Variants in PLEKHN1 observed in about 807,000 individuals in gnomAD.
PLEKHN1 encodes the protein pleckstrin homology domain-containing family N member 1.
Under a neutral mutation model 72.8 loss-of-function variants are expected in PLEKHN1, and 68 were observed. The ratio of observed to expected loss-of-function variants is 0.93; its 90% CI spans 0.77 to 1.14. PLEKHN1 has a LOEUF of 1.14. Ranked by LOEUF, PLEKHN1 falls within the 50% of genes most tolerant of loss-of-function variation. The pLI, the probability that PLEKHN1 is intolerant of heterozygous loss-of-function variation, is 0.00. For synonymous variants in PLEKHN1, 454 were observed against 371.6 expected (o/e 1.22, Z -2.55); for missense variants, 1,015 against 840.5 (o/e 1.21, Z -2.57).
At position 973,256 on chromosome 1, in the gene PLEKHN1, G is replaced by T; in HGVS notation, c.1223G>T (p.Arg408Leu). ...RTELRRSGSS[R>L]SPGSKARAEG... ...GAGCTGAGACGCAGTGGCAGCAGCC[G>T]GTCACCCGGGAGCAAGGCCCGGGCA... Residue 408 changes from arginine (R) to leucine (L), a missense_variant, in exon 12 of 16, where the codon CGG becomes CTG. Transcript: ENST00000379410. The T allele has an allele frequency of 6.5e-7, 1 of 1,543,180 alleles. No individual in the cohort carries two copies. The highest frequency in any genetic ancestry group is 8.8e-7 in the Non-Finnish European group (1 of 1,141,370).
At position 971,247 on chromosome 1, in the gene PLEKHN1, G is replaced by C. The variant is rs1643312072; in HGVS notation, c.708+39G>C. 1.9e-6 allele frequency: 3 copies of C among 1,558,682 alleles called. 1 individual carries two copies. In the South Asian group the frequency reaches 3.5e-5, roughly 18 times the overall value. On this transcript the variant is annotated intron_variant, in intron 7 of 15. Coordinates refer to ENST00000379410, the MANE Select transcript of PLEKHN1 (RefSeq NM_032129.3). ...GCGTGGGGCTGTAGGGGGATGGGAGGGGTGCATGGTGGTGGGCAGGGCGGT... is the reference window on the plus strand; with the variant it reads ...GCGTGGGGCTGTAGGGGGATGGGAGCGGTGCATGGTGGTGGGCAGGGCGGT...
rs1456782914 is a variant in PLEKHN1, at chr1:975,829, TAAAC to T, written c.*1257_*1260del. On this transcript the variant is annotated 3_prime_UTR_variant, in exon 16 of 16. Transcript: ENST00000379410. ...GGGTGCGGTTGCATTTGATTTCAGA[TAAAC>T]AACAACTTCTTAGTAAAATGACCTC... The T allele has an allele frequency of 1.5e-5, 4 of 266,480 alleles. No individual in the cohort carries two copies. The highest frequency in any genetic ancestry group is 5.0e-5 in the Admixed American group (1 of 19,892). The allele number at this position is 266,480 out of a possible 1,614,324, so 16.5% of individuals were successfully genotyped here. A position where few individuals can be genotyped will look rare whatever the true frequency, so the allele number is the denominator to read the frequency against.
intron 8 of PLEKHN1, 116 bp from the exon 9 acceptor site, chr1:971,959 G>A (rs1264332216): frequency 3.9e-6 from 4 of 1,021,008 alleles, no homozygotes; most frequent in African/African-American, 1.6e-5. Context: ...GGTGGCCTCG[G>A]TGCCCAGCTC....
rs750020649 is a variant in PLEKHN1, at chr1:973,976, G to T, written c.1578G>T (p.Leu526=). ...ACTTGCTCTCCAAGAAGGGAGCCCT[G>T]CAGTCCAGAGCCGCTCAGAGACACC... is the stretch of plus-strand genomic sequence containing the variant. ...GPYLLSKKGA[L]QSRAAQRHRG... is the part of the protein sequence containing the mutation. The change falls in exon 14 of 16, where the codon CTG becomes CTT. Residue 526 remains leucine, a synonymous_variant. Coordinates refer to ENST00000379410, the MANE Select transcript of PLEKHN1 (RefSeq NM_032129.3). 1.9e-6 allele frequency: 3 copies of T among 1,608,836 alleles called. No homozygotes were observed. The South Asian group carries it at 3.3e-5, about 18-fold the overall frequency.
chr1:968,252 G>A (rs1643111895), intron 2 of PLEKHN1, among the ~76,000 whole-genome samples: 8 of 152,230 alleles, frequency 5.3e-5, no homozygotes, highest in Admixed American at 5.2e-4. Context: ...GCCTGCTCAG[G>A]GGCAGCTAAG....
In PLEKHN1 at chr1:970,781, C is replaced by A. The variant is rs771921242; in HGVS notation, c.484+23C>A. 6.2e-7 allele frequency: 1 copy of A among 1,612,748 alleles called. No homozygotes were observed. Among genetic ancestry groups the A allele is most frequent in the South Asian group, 1.1e-5 (1 of 91,074 alleles). ...CAGGTGTTTGGGATGCTTCCCGGGC[C>A]CCCAGAGGCACTCCTGACCCAGGAC... is the stretch of plus-strand genomic sequence containing the variant. On this transcript the variant is annotated intron_variant, in intron 5 of 15. Transcript: ENST00000379410. The surrounding 1 kb of genome is among the most constrained non-coding windows in gnomAD (Gnocchi z 4.2).
rs958916355 is a variant in PLEKHN1, at chr1:966,760, G to A, written c.140G>A (p.Gly47Glu). ...GLPGPEAARS[G>E]DAAANKLFHY... ...CCGGGCCCCGAGGCTGCTCGAAGCG[G>A]GGACGCCGCCGCCAACAAGCTCTTC... The change falls in exon 2 of 16, where the codon GGG becomes GAG. Residue 47 changes from glycine to glutamate, a missense_variant. Gly to Glu is a moderately conservative substitution (Grantham distance 98). Transcript: ENST00000379410. 6.4e-7 allele frequency: 1 copy of A among 1,573,804 alleles called. No individual in the cohort carries two copies. The highest frequency in any genetic ancestry group is 8.6e-7 in the Non-Finnish European group (1 of 1,160,738).
At chr1:974,407 C>T (rs754065750) in intron 15 of PLEKHN1, 35 bp from the exon 16 acceptor site, 1 of 1,612,032 alleles carries the variant, frequency 6.2e-7, no homozygotes, top group Non-Finnish European at 8.5e-7. Flanking sequence ...CCTGTTGCCT[C>T]CCACAGGCTG....
At chr1:969,762 T>C (rs1643203542) in intron 2 of PLEKHN1, among the ~76,000 whole-genome samples, 1 of 151,308 alleles carries the variant, frequency 6.6e-6, no homozygotes, top group Admixed American at 6.6e-5. Context: ...GTGTCTATTG[T>C]GTGTGTATGC....
chr1:966,695 T>C lies in PLEKHN1; in HGVS notation c.84-9T>C, dbSNP rs1423457146. The C allele has an allele frequency of 3.2e-6, 5 of 1,579,244 alleles. No homozygotes were observed. The highest frequency in any genetic ancestry group is 4.3e-6 in the Non-Finnish European group (5 of 1,162,450). Reference sequence around the variant, plus strand: ...GGCCAAGCCACGAGACCCCTTGCCTTGTCCCCAGAGAGGACAGCGCGCGGA... The same window carrying C: ...GGCCAAGCCACGAGACCCCTTGCCTCGTCCCCAGAGAGGACAGCGCGCGGA... On this transcript the variant is annotated splice_polypyrimidine_tract_variant and intron_variant, in intron 1 of 15. Coordinates refer to ENST00000379410, the MANE Select transcript of PLEKHN1 (RefSeq NM_032129.3).
intron 14 of PLEKHN1, 97 bp downstream of exon 14, chr1:974,148 A>G: frequency 1.3e-6 from 2 of 1,484,006 alleles, no homozygotes; most frequent in Non-Finnish European, 1.8e-6. Flanking sequence ...AGGGAGGGAA[A>G]CAGGAGGACG....
chr1:971,144 G>C lies in PLEKHN1; in HGVS notation c.644G>C (p.Gly215Ala), dbSNP rs990611263. 70 of 1,601,070 alleles carry C rather than the reference G, an allele frequency of 4.4e-5. No individual in the cohort carries two copies. Among genetic ancestry groups the C allele is most frequent in the Non-Finnish European group, 5.5e-5 (65 of 1,174,912 alleles). Residue 215 changes from glycine (G) to alanine (A), a missense_variant, in exon 7 of 16, where the codon GGG becomes GCG. Gly to Ala is a moderately conservative substitution (Grantham distance 60, BLOSUM62 0). Coordinates refer to ENST00000379410, the MANE Select transcript of PLEKHN1 (RefSeq NM_032129.3). The part of the protein sequence containing the change: ...RRLTRLRTAS[G>A]HEPGGSAVCA... ...CTAACCCGGCTGCGGACGGCGTCAG[G>C]GCACGAACCCGGCGGCAGTGCTGTC...
chr1:971,963 C>G (rs569026618), intron 8 of PLEKHN1, 112 bp from the exon 9 acceptor site: 282 of 1,069,806 alleles, frequency 2.6e-4, no homozygotes, highest in Middle Eastern at 1.3e-3. Context: ...GCCTCGGTGC[C>G]CAGCTCTCCA....
Position 970,689 on chromosome 1 carries a change from C to T in PLEKHN1, c.415C>T (p.Leu139=). 1 of 1,595,336 alleles carries T rather than the reference C, an allele frequency of 6.3e-7. No individual in the cohort carries two copies. Among genetic ancestry groups the T allele is most frequent in the Non-Finnish European group, 8.6e-7 (1 of 1,169,082 alleles). Residue 139 remains leucine, a synonymous_variant, in exon 5 of 16, where the codon CTG becomes TTG. Transcript: ENST00000379410. The surrounding 1 kb of genome is among the most constrained non-coding windows in gnomAD (Gnocchi z 4.2). ...CCTCCTACCCTGTGCCTGGCAGGGG[C>T]TGTTACCGCTGACGGAGCTGAGTGT... ...HGSEGLTFQG[L]LPLTELSVCP...
At chr1:973,689 G>C in intron 13 of PLEKHN1, 49 bp downstream of exon 13, 1 of 1,601,262 alleles carries the variant, frequency 6.2e-7, no homozygotes, top group Non-Finnish European at 8.5e-7. Context: ...CCTGCAGCCT[G>C]AGGCTGGGGA....
chr1:970,405 G>T lies in PLEKHN1; in HGVS notation c.312G>T (p.Leu104=). 1 of 1,613,210 alleles carries T rather than the reference G, an allele frequency of 6.2e-7. No individual in the cohort carries two copies. The highest frequency in any genetic ancestry group is 8.5e-7 in the Non-Finnish European group (1 of 1,179,962). The change falls in exon 3 of 16, where the codon CTG becomes CTT. Residue 104 remains leucine (L), a synonymous_variant. Coordinates refer to ENST00000379410, the MANE Select transcript of PLEKHN1 (RefSeq NM_032129.3). This position sits in a 1 kb window ranked among gnomAD's most constrained non-coding sequence, Gnocchi z 4.2. Reference sequence around the variant, plus strand: ...TTGTGCATTACGCCAAGGTCCAGCTGCGGTTCCAGCACAGCCAGGTGGGGG... The same window carrying T: ...TTGTGCATTACGCCAAGGTCCAGCTTCGGTTCCAGCACAGCCAGGTGGGGG... ...GKVVHYAKVQ[L]RFQHSQDVSD...
rs1643419813 is a variant in PLEKHN1, at chr1:973,013, G to A, written c.1152+3G>A. The A allele has an allele frequency of 6.3e-7, 1 of 1,596,244 alleles. No individual in the cohort carries two copies. Among genetic ancestry groups the A allele is most frequent in the Non-Finnish European group, 8.5e-7 (1 of 1,170,756 alleles). On this transcript the variant is annotated splice_donor_region_variant and intron_variant, in intron 11 of 15. Coordinates refer to ENST00000379410, the MANE Select transcript of PLEKHN1 (RefSeq NM_032129.3). ...GCTGCTCCTCCCAGCACACACCGGT[G>A]AGCGCTTACGGGGTGGCAGACGAAA...
chr1:967,363 C>T (rs1302469805), intron 2 of PLEKHN1, among the ~76,000 whole-genome samples: 1 of 107,096 alleles, frequency 9.3e-6, no homozygotes, highest in Non-Finnish European at 1.9e-5. Flanking sequence ...AGCAGAAGAC[C>T]ACCCCCATGC....
chr1:971,485 T>C, intron 8 of PLEKHN1, 81 bp downstream of exon 8: 1 of 1,306,916 alleles, frequency 7.7e-7, no homozygotes, highest in South Asian at 1.3e-5. Flanking sequence ...AGGAGGAACC[T>C]GTATTTCGGG....
Sources: gnomAD v4.1 joint callset for allele counts (sites outside exome capture counted in the v4.1 genomes callset) on GRCh38, gnomAD v4.1.1 for gene constraint, Gnocchi (gnomAD v3.1) non-coding constraint, MANE v1.5 for transcripts, NCBI Gene and HGNC (gene_info 2026-07-23, HGNC 2026-07-21) for gene names.